The following USP48 variants were observed in gnomAD, a reference collection of about 807,000 sequenced individuals.
The protein encoded by USP48 is ubiquitin carboxyl-terminal hydrolase 48.
USP48 carries 43 observed loss-of-function variants against 150.7 expected under a neutral mutation model. The ratio of observed to expected loss-of-function variants is 0.29; its 90% CI spans 0.22 to 0.37. The LOEUF is 0.37. Ranked by LOEUF, USP48 falls within the 10% of genes least tolerant of loss-of-function variation. The pLI is 1.00. For missense variants in USP48, 813 were observed against 1,249.6 expected (o/e 0.65, Z 5.27); for synonymous variants, 396 against 425.9 (o/e 0.93, Z 0.86).
intron 3 of USP48, among the ~76,000 whole-genome samples, chr1:21,755,867 T>G (rs965445734): frequency 2.0e-5 from 3 of 151,072 alleles, no homozygotes; most frequent in Non-Finnish European, 4.4e-5. Context: ...ACTGTCTCTA[T>G]AAAAAAAATA....
chr1:21,749,428 A>G (rs1351302091), intron 6 of USP48, among the ~76,000 whole-genome samples: 1 of 152,014 alleles, frequency 6.6e-6, no homozygotes, highest in Non-Finnish European at 1.5e-5. Context: ...CAAACGTAAC[A>G]TGCTCAAAGC....
chr1:21,724,877 A>C (rs1399248540), intron 11 of USP48: 1 of 152,188 alleles, frequency 6.6e-6, no homozygotes. Context: ...CTAAAAGCCA[A>C]AATCAAAGAT....
intron 13 of USP48, 23 bp from the exon 14 acceptor site, chr1:21,721,189 A>C (rs375201815): frequency 1.7e-5 from 28 of 1,612,978 alleles, no homozygotes; most frequent in Non-Finnish European, 2.3e-5. Flanking sequence ...GAGAATGTTA[A>C]ATCATATAAG....
At chr1:21,749,621 C>T (rs2097803985) in intron 6 of USP48, among the ~76,000 whole-genome samples, 1 of 151,924 alleles carries the variant, frequency 6.6e-6, no homozygotes, top group South Asian at 2.1e-4. Flanking sequence ...TTTATTTTTA[C>T]AGACAGGGTC....
intron 1 of USP48, among the ~76,000 whole-genome samples, chr1:21,780,012 G>C (rs935605356): frequency 1.3e-5 from 2 of 152,166 alleles, no homozygotes; most frequent in Non-Finnish European, 2.9e-5. Context: ...TCGCGGTTCG[G>C]TTAAGTTAAA....
chr1:21,722,337 G>C (rs989498212), intron 12 of USP48, among the ~76,000 whole-genome samples: 11 of 151,306 alleles, frequency 7.3e-5, no homozygotes, highest in Non-Finnish European at 1.6e-4. Context: ...ACAGGAGTTT[G>C]AGACCAGCCT....
At chr1:21,720,406 T>C (rs2097716992) in intron 14 of USP48, among the ~76,000 whole-genome samples, 1 of 152,236 alleles carries the variant, frequency 6.6e-6, no homozygotes, top group Non-Finnish European at 1.5e-5. Context: ...TGAATTTCAA[T>C]AGCTTAAAAA....
At chr1:21,741,633 T>C (rs2097781864) in intron 8 of USP48, among the ~76,000 whole-genome samples, 1 of 152,170 alleles carries the variant, frequency 6.6e-6, no homozygotes, top group African/African-American at 2.4e-5. Context: ...AAGATTCCTA[T>C]ATAAGATAGT....
At chr1:21,782,770 G>A (rs2097917704) in intron 1 of USP48, 54 bp downstream of exon 1, 1 of 1,487,166 alleles carries the variant, frequency 6.7e-7, no homozygotes, top group Middle Eastern at 2.2e-4. Flanking sequence ...ACCCCGCCCG[G>A]GCTTTCCAAG....
intron 3 of USP48, among the ~76,000 whole-genome samples, chr1:21,755,473 G>A (rs1382990359): frequency 6.6e-6 from 1 of 152,134 alleles, no homozygotes; most frequent in East Asian, 1.9e-4. Context: ...CTGGCAGGAG[G>A]ATTGCTTGAG....
At position 21,686,962 on chromosome 1, in the gene USP48, G is replaced by A. The variant is rs991483926; in HGVS notation, c.3058+229C>T. On this transcript the variant is annotated intron_variant, in intron 25 of 26. Transcript: ENST00000308271. ...TTGCTTCTTGTTGACCTCCTCCACA[G>A]GCAGAGCTCACATTTATTTCAGTTT... The A allele has an allele frequency of 5.7e-5, 31 of 544,996 alleles. 1 individual carries two copies. Among genetic ancestry groups the A allele is most frequent in the Non-Finnish European group, 9.4e-5 (29 of 308,734 alleles). The allele number at this position is 544,996 out of a possible 1,614,324, so 33.8% of individuals were successfully genotyped here. A position where few individuals can be genotyped will look rare whatever the true frequency, so the allele number is the denominator to read the frequency against.
At chr1:21,735,028 G>A (rs1326872583) in intron 9 of USP48, among the ~76,000 whole-genome samples, 1 of 152,154 alleles carries the variant, frequency 6.6e-6, no homozygotes, top group East Asian at 1.9e-4. Flanking sequence ...AAGGATTTGG[G>A]TAAGATACTT....
chr1:21,708,911 AGAAAAG>A (rs2097682297), intron 15 of USP48, among the ~76,000 whole-genome samples: 154 of 29,004 alleles, frequency 5.3e-3, no homozygotes, highest in Middle Eastern at 0.016. Flanking sequence ...AAGAAAGAAA[AGAAAAG>A]AAAAGAAAAG....
chr1:21,714,897 A>G (rs2097700221), intron 15 of USP48, among the ~76,000 whole-genome samples: 1 of 152,156 alleles, frequency 6.6e-6, no homozygotes, highest in Non-Finnish European at 1.5e-5. Context: ...TAATCCCACC[A>G]CTATGGAAGG....
intron 4 of USP48, 43 bp downstream of exon 4, chr1:21,752,949 G>A: frequency 6.5e-7 from 1 of 1,537,810 alleles, no homozygotes; most frequent in Non-Finnish European, 8.7e-7. Flanking sequence ...GGATGTTTGG[G>A]TACCTCTGAA....
intron 22 of USP48, 108 bp downstream of exon 22, chr1:21,701,390 A>T: frequency 1.2e-6 from 1 of 843,040 alleles, no homozygotes; most frequent in East Asian, 2.8e-5. Context: ...AAGAAAAAAA[A>T]AGAACCAATA....
Position 21,687,948 on chromosome 1 carries a change from G to A in USP48, c.3010-709C>T, listed in dbSNP as rs116188663. The stretch of plus-strand genomic sequence containing the variant: ...GGAGGGGTTAGGTGGTGGGATGAGG[G>A]GTGTGTGTGCATGGATGGGGTAGAT... On this transcript the variant is annotated intron_variant, in intron 24 of 26. Transcript: ENST00000308271. Among the ~76,000 whole-genome samples, 729 of 152,188 alleles carry A rather than the reference G, an allele frequency of 4.8e-3. 9 individuals are homozygous for A. The highest frequency in any genetic ancestry group is 0.017 in the African/African-American group (686 of 41,524).
intron 1 of USP48, among the ~76,000 whole-genome samples, chr1:21,776,927 AC>A (rs2097900864): frequency 6.6e-6 from 1 of 151,296 alleles, no homozygotes; most frequent in Admixed American, 6.6e-5. Context: ...AGCCTGGGCA[AC>A]AAGAGTGAAA....
intron 25 of USP48, among the ~76,000 whole-genome samples, chr1:21,682,927 T>C (rs1245657770): frequency 1.3e-5 from 2 of 149,414 alleles, no homozygotes; most frequent in Non-Finnish European, 3.0e-5. Context: ...ACTGGTGGGA[T>C]TGACTAAAGG....
Sources: allele counts gnomAD v4.1 joint callset (sites outside exome capture counted in the v4.1 genomes callset), GRCh38; gene constraint gnomAD v4.1.1; transcripts MANE v1.5; gene names NCBI Gene and HGNC (gene_info 2026-07-23, HGNC 2026-07-21).